BMPR1B: variants seen among roughly 807,000 people sequenced by gnomAD.
The protein encoded by BMPR1B is bone morphogenetic protein receptor type-1B.
BMPR1B carries 12 observed loss-of-function variants against 59.1 expected under a neutral mutation model. That is an observed-to-expected ratio of 0.20 (90% CI 0.13 to 0.33). The LOEUF is 0.33. BMPR1B is among the 10% of genes least tolerant of loss of function. The pLI, the probability that BMPR1B is intolerant of heterozygous loss-of-function variation, is 1.00. For synonymous variants in BMPR1B, 237 were observed against 207.3 expected (o/e 1.14, Z -1.23); for missense variants, 550 against 610.9 (o/e 0.90, Z 1.05).
chr4:95,014,430 C>T (rs1578928742), intron 3 of BMPR1B, among the ~76,000 whole-genome samples: 1 of 152,164 alleles, frequency 6.6e-6, no homozygotes, highest in East Asian at 1.9e-4. Context: ...ATGAAAAAAG[C>T]CTGACCTGTT....
chr4:94,923,547 T>C (rs1178200201), intron 2 of BMPR1B, among the ~76,000 whole-genome samples: 1 of 152,170 alleles, frequency 6.6e-6, no homozygotes, highest in African/African-American at 2.4e-5. Context: ...GTTTAAGTTT[T>C]GGCACTTCCA....
At chr4:94,832,495 G>A (rs945135044) in intron 1 of BMPR1B, among the ~76,000 whole-genome samples, 11 of 152,128 alleles carry the variant, frequency 7.2e-5, no homozygotes, top group Non-Finnish European at 1.5e-4. Context: ...GAAAGGTAGT[G>A]TAGCAGCCGA....
At chr4:94,785,291 T>C (rs1266510160) in intron 1 of BMPR1B, among the ~76,000 whole-genome samples, 6 of 152,190 alleles carry the variant, frequency 3.9e-5, no homozygotes, top group Admixed American at 3.9e-4. Flanking sequence ...TTCTAAAGAA[T>C]TCAGGCAAAA....
At chr4:94,936,226 G>GA (rs1287565067) in intron 2 of BMPR1B, among the ~76,000 whole-genome samples, 3 of 152,090 alleles carry the variant, frequency 2.0e-5, no homozygotes, top group Non-Finnish European at 4.4e-5. Context: ...AATGTTAAAG[G>GA]AAAAATCATA....
At position 95,115,681 on chromosome 4, in the gene BMPR1B, A is replaced by G. The variant is rs570808649; in HGVS notation, c.247-4A>G. On this transcript the variant is annotated splice_region_variant and splice_polypyrimidine_tract_variant and intron_variant, in intron 5 of 12. Transcript: ENST00000515059. ...CACTAATAGCTGTTTGGGTTCGATTATAGGACACTCCCATTCCTCATCAAA... is the reference window on the plus strand; with the variant it reads ...CACTAATAGCTGTTTGGGTTCGATTGTAGGACACTCCCATTCCTCATCAAA... 985 of 1,611,798 alleles carry G rather than the reference A, an allele frequency of 6.1e-4. 13 individuals carry two copies. The South Asian group carries it at 9.9e-3, about 16-fold the overall frequency.
intron 3 of BMPR1B, among the ~76,000 whole-genome samples, chr4:95,038,394 C>T (rs771024779): frequency 2.0e-5 from 3 of 152,050 alleles, no homozygotes; most frequent in Non-Finnish European, 4.4e-5. Flanking sequence ...GCCTGAGTTT[C>T]GTCTAAAGCT....
At chr4:95,058,042 G>A (rs1234425357) in intron 3 of BMPR1B, among the ~76,000 whole-genome samples, 2 of 152,162 alleles carry the variant, frequency 1.3e-5, no homozygotes, top group African/African-American at 4.8e-5. Flanking sequence ...GAAATAATGT[G>A]TGAAACAAGT....
At chr4:94,928,715 G>C (rs772330477) in intron 2 of BMPR1B, among the ~76,000 whole-genome samples, 1 of 151,794 alleles carries the variant, frequency 6.6e-6, no homozygotes, top group Non-Finnish European at 1.5e-5. Flanking sequence ...TATAAAACAG[G>C]CCCCTTATTT....
chr4:94,983,582 A>G (rs1721229878), intron 2 of BMPR1B, among the ~76,000 whole-genome samples: 1 of 152,198 alleles, frequency 6.6e-6, no homozygotes, highest in Admixed American at 6.5e-5. Flanking sequence ...TAGTCTCAAT[A>G]TGGAAAATTT....
chr4:95,052,032 G>A (rs1726544020), intron 3 of BMPR1B, among the ~76,000 whole-genome samples: 1 of 152,018 alleles, frequency 6.6e-6, no homozygotes, highest in Non-Finnish European at 1.5e-5. Flanking sequence ...AATTAAACTT[G>A]GAACTTTAGG....
At chr4:94,826,835 C>G (rs960746561) in intron 1 of BMPR1B, among the ~76,000 whole-genome samples, 1 of 151,946 alleles carries the variant, frequency 6.6e-6, no homozygotes, top group Non-Finnish European at 1.5e-5. Context: ...GTGAAAAACC[C>G]TACCTTTCCA....
chr4:94,815,219 G>A (rs1360305007), intron 1 of BMPR1B, among the ~76,000 whole-genome samples: 1 of 151,900 alleles, frequency 6.6e-6, no homozygotes, highest in Non-Finnish European at 1.5e-5. Flanking sequence ...TTCTTTTATA[G>A]TCCTTAGACC....
intron 1 of BMPR1B, among the ~76,000 whole-genome samples, chr4:94,830,484 G>C (rs1724543339): frequency 6.6e-6 from 1 of 152,040 alleles, no homozygotes; most frequent in African/African-American, 2.4e-5. Flanking sequence ...GATGAGATTT[G>C]ATTCCATGTA....
chr4:94,996,633 T>C (rs192576665), intron 3 of BMPR1B, among the ~76,000 whole-genome samples: 238 of 152,262 alleles, frequency 1.6e-3, no homozygotes, highest in African/African-American at 5.4e-3. Context: ...CATTTGCCAG[T>C]GCACTGAAGT....
rs527254955 is a variant in BMPR1B at position 95,139,735 on chromosome 4, A to T, written c.1076+8223A>T. Among the ~76,000 whole-genome samples, 6 of 152,212 alleles carry T rather than the reference A, an allele frequency of 3.9e-5. No homozygotes were observed. In the East Asian group the frequency reaches 1.2e-3, roughly 30 times the overall value. ...AGCCGGGCGTGGGACCCTCGGAGCC[A>T]TGCGCGGGATATAATCTCCTGGTGT... On this transcript the variant is annotated intron_variant, in intron 10 of 12. Coordinates refer to ENST00000515059, the MANE Select transcript of BMPR1B (RefSeq NM_001203.3).
chr4:94,971,361 G>C (rs993817095), intron 2 of BMPR1B, among the ~76,000 whole-genome samples: 2 of 152,006 alleles, frequency 1.3e-5, no homozygotes, highest in African/African-American at 4.8e-5. Context: ...CCTACTAAGG[G>C]TATGTTATTA....
At chr4:94,897,238 C>G (rs566855586) in intron 2 of BMPR1B, among the ~76,000 whole-genome samples, 96 of 152,128 alleles carry the variant, frequency 6.3e-4, no homozygotes, top group Middle Eastern at 6.8e-3. Context: ...GCTCTTCCTG[C>G]TTATATAGGA....
At chr4:94,788,820 ATCT>A (rs1411718026) in intron 1 of BMPR1B, among the ~76,000 whole-genome samples, 3 of 152,152 alleles carry the variant, frequency 2.0e-5, no homozygotes, top group Non-Finnish European at 4.4e-5. Flanking sequence ...TGCCTCTCAA[ATCT>A]TCTGCATCAC....
intron 2 of BMPR1B, among the ~76,000 whole-genome samples, chr4:94,927,901 C>T (rs552743735): frequency 2.6e-5 from 4 of 151,952 alleles, no homozygotes; most frequent in Non-Finnish European, 5.9e-5. Flanking sequence ...CCTGGCACAT[C>T]GAGTATGTGG....
Sources: allele counts gnomAD v4.1 joint callset (sites outside exome capture counted in the v4.1 genomes callset), GRCh38; gene constraint gnomAD v4.1.1; transcripts MANE v1.5; gene names NCBI Gene and HGNC (gene_info 2026-07-23, HGNC 2026-07-21).